RAB36: variants seen among roughly 807,000 people sequenced by gnomAD.
The protein encoded by RAB36 is ras-related protein Rab-36.
RAB36 carries 33 observed loss-of-function variants against 39.3 expected under a neutral mutation model. The ratio of observed to expected loss-of-function variants is 0.84; its 90% CI spans 0.64 to 1.12. The LOEUF is 1.12. Ranked by LOEUF, RAB36 falls within the 50% of genes most tolerant of loss-of-function variation. The pLI is 0.00. For synonymous variants in RAB36, 133 were observed against 140.2 expected (o/e 0.95, Z 0.36); for missense variants, 308 against 355.3 (o/e 0.87, Z 1.07).
Position 23,155,156 on chromosome 22 carries a change from G to A in RAB36, c.330-812G>A, listed in dbSNP as rs1189690731. 2.0e-5 allele frequency among the ~76,000 whole-genome samples: 3 copies of A among 152,138 alleles called. No homozygotes were observed. In the East Asian group the frequency reaches 5.8e-4, roughly 29 times the overall value. On this transcript the variant is annotated intron_variant, in intron 5 of 10. Coordinates refer to ENST00000263116, the MANE Select transcript of RAB36 (RefSeq NM_004914.5). Reference sequence around the variant, plus strand: ...AAAAGAAAAAAATCAGACCATAGATGTCTTGTTTGTGACTTGTCTACTTTG... The same window carrying A: ...AAAAGAAAAAAATCAGACCATAGATATCTTGTTTGTGACTTGTCTACTTTG...
At chr22:23,167,101 T>C (rs371422991), downstream of RAB36, among the ~76,000 whole-genome samples, 262 of 152,026 alleles carry the variant, frequency 1.7e-3, 2 homozygotes, top group African/African-American at 6.1e-3. Context: ...GAACTCCTGG[T>C]CCCTCCCCTG....
rs896030640 is a variant in RAB36 at position 23,158,043 on chromosome 22, G to C, written c.446G>C (p.Arg149Thr). ...LTDVQTLEHT[R>T]QWLEDALREN... ...GACGTGCAGACCCTGGAGCATACCA[G>C]GTAAGTCTGGGCTCTCTGGCCCCTG... is the stretch of plus-strand genomic sequence containing the variant. Residue 149 changes from arginine to threonine, a missense_variant and splice_region_variant, in exon 7 of 11, where the codon AGG becomes ACG. Physicochemically the swap from Arg to Thr is moderately conservative, Grantham distance 71. Coordinates refer to ENST00000263116, the MANE Select transcript of RAB36 (RefSeq NM_004914.5). 2 of 1,614,018 alleles carry C rather than the reference G, an allele frequency of 1.2e-6. No homozygotes were observed. Among genetic ancestry groups the C allele is most frequent in the African/African-American group, 2.7e-5 (2 of 74,936 alleles).
rs1166418936 is a variant in RAB36 at position 23,165,095 on chromosome 22, C to T, written c.*3531C>T. On this transcript the variant is annotated 3_prime_UTR_variant, in exon 11 of 11. Transcript: ENST00000263116. ...TCACATCTGGGCTTTCTCCCCCACC[C>T]ATCTGTGGAACCCCAAGAGCCAGGA... Among the ~76,000 whole-genome samples the T allele has an allele frequency of 6.6e-6, 1 of 152,190 alleles. No homozygotes were observed. Among genetic ancestry groups the T allele is most frequent in the Admixed American group, 6.5e-5 (1 of 15,270 alleles).
rs2071949124 is a variant in RAB36, at chr22:23,163,739, G to A, written c.*2175G>A. 6.6e-6 allele frequency: 1 copy of A among 152,058 alleles called. No individual in the cohort carries two copies. 9.4% of individuals were successfully genotyped at this position (152,058 alleles called of 1,614,324 possible). ...GCTAACAGTCAGGACTATTCCTTCT[G>A]GACTCTGTGCCTTTGCCTGCACAGC... On this transcript the variant is annotated 3_prime_UTR_variant, in exon 11 of 11. Coordinates refer to ENST00000263116, the MANE Select transcript of RAB36 (RefSeq NM_004914.5).
At chr22:23,160,846 T>G in intron 9 of RAB36, 33 bp from the exon 10 acceptor site, 10 of 1,602,842 alleles carry the variant, frequency 6.2e-6, no homozygotes, top group Non-Finnish European at 8.5e-6. Context: ...GGAGAAACAC[T>G]GATGAGGTCC....
intron 2 of RAB36, among the ~76,000 whole-genome samples, chr22:23,146,895 G>A (rs142136960): frequency 4.0e-4 from 61 of 152,308 alleles, no homozygotes; most frequent in African/African-American, 1.4e-3. Flanking sequence ...TGGCCTGGAG[G>A]TTATAAGGGC....
downstream of RAB36, among the ~76,000 whole-genome samples, chr22:23,168,651 C>T (rs1169460733): frequency 2.0e-5 from 3 of 152,216 alleles, no homozygotes; most frequent in South Asian, 2.1e-4. Context: ...GCAGCCAGGA[C>T]GTATGACTGT....
intron 6 of RAB36, 48 bp from the exon 7 acceptor site, chr22:23,157,944 T>G: frequency 6.2e-7 from 1 of 1,612,214 alleles, no homozygotes; most frequent in Admixed American, 1.7e-5. Context: ...GCCCCCTTGC[T>G]CGCCTCGCCT....
chr22:23,146,573 C>G (rs2070786190), intron 1 of RAB36, 32 bp from the exon 2 acceptor site: 1 of 1,610,510 alleles, frequency 6.2e-7, no homozygotes, highest in Non-Finnish European at 8.5e-7. Flanking sequence ...TGCACAGCTC[C>G]TTAACTGTCT....
chr22:23,161,791 A>G lies in RAB36; in HGVS notation c.*227A>G, dbSNP rs1330548094. ...CCCCCACTGGCTGCCTGGGAGCCCC[A>G]CACCACCGGGCCAGTGCAGGCACTG... On this transcript the variant is annotated 3_prime_UTR_variant, in exon 11 of 11. Transcript: ENST00000263116. The G allele has an allele frequency of 1.8e-6, 1 of 547,194 alleles. No homozygotes were observed. The highest frequency in any genetic ancestry group is 3.2e-5 in the East Asian group (1 of 31,344). The allele number at this position is 547,194 out of a possible 1,614,324, so 33.9% of individuals were successfully genotyped here.
chr22:23,163,606 G>GCACCCCCC lies in RAB36; in HGVS notation c.*2043_*2044insACCCCCCC, dbSNP rs139292265. Reference sequence around the variant, plus strand: ...AAAGCATATAAAATACAAGGTGAAAGCCCCCCCCCCGCCACATTAGCTGCG... The same window carrying GCACCCCCC: ...AAAGCATATAAAATACAAGGTGAAAGCACCCCCCCCCCCCCCCCGCCACATTAGCTGCG... On this transcript the variant is annotated 3_prime_UTR_variant, in exon 11 of 11. Coordinates refer to ENST00000263116, the MANE Select transcript of RAB36 (RefSeq NM_004914.5). 2 of 125,228 alleles carry GCACCCCCC rather than the reference G, an allele frequency of 1.6e-5. No homozygotes were observed. Among genetic ancestry groups the GCACCCCCC allele is most frequent in the Non-Finnish European group, 3.6e-5 (2 of 55,740 alleles). The allele number at this position is 125,228 out of a possible 1,614,324, so 7.8% of individuals were successfully genotyped here. A position where few individuals can be genotyped will look rare whatever the true frequency, so the allele number is the denominator to read the frequency against.
At chr22:23,147,192 C>G (rs2070830194) in intron 2 of RAB36, among the ~76,000 whole-genome samples, 1 of 152,198 alleles carries the variant, frequency 6.6e-6, no homozygotes, top group Non-Finnish European at 1.5e-5. Flanking sequence ...TGAAAACTCA[C>G]AGCTCTCTTG....
chr22:23,153,889 A>G (rs2071307317), intron 5 of RAB36, among the ~76,000 whole-genome samples: 1 of 151,802 alleles, frequency 6.6e-6, no homozygotes, highest in African/African-American at 2.4e-5. Context: ...GGGTTTTACT[A>G]TGTTGGCCAT....
At chr22:23,145,445 T>C, upstream of RAB36, 3 of 1,610,826 alleles carry the variant, frequency 1.9e-6, no homozygotes, top group South Asian at 3.3e-5. Flanking sequence ...ACGTCGACGA[T>C]TCGTGTAGCC....
chr22:23,161,028 G>A (rs1368990168), intron 10 of RAB36, 30 bp downstream of exon 10: 8 of 1,571,984 alleles, frequency 5.1e-6, no homozygotes, highest in Admixed American at 3.7e-5. Context: ...GGTTGGGCTG[G>A]GGAGTAGGCT....
intron 5 of RAB36, 114 bp downstream of exon 5, chr22:23,153,248 G>C (rs1209847440): frequency 1.3e-6 from 1 of 788,840 alleles, no homozygotes; most frequent in Non-Finnish European, 2.1e-6. Context: ...TAGACAAGCA[G>C]AGCCTGGGGG....
intron 3 of RAB36, among the ~76,000 whole-genome samples, chr22:23,151,473 A>T (rs1309428545): frequency 1.3e-5 from 2 of 152,246 alleles, no homozygotes; most frequent in African/African-American, 4.8e-5. Context: ...CAGGTGACAC[A>T]GTGGTGCCCT....
chr22:23,168,983 G>A (rs2072094647), downstream of RAB36, among the ~76,000 whole-genome samples: 1 of 152,214 alleles, frequency 6.6e-6, no homozygotes, highest in African/African-American at 2.4e-5. Context: ...CCTGTCTTCG[G>A]GAACGAGCTC....
At chr22:23,159,116 C>A in intron 8 of RAB36, 47 bp from the exon 9 acceptor site, 1 of 1,602,210 alleles carries the variant, frequency 6.2e-7, no homozygotes, top group South Asian at 1.1e-5. Flanking sequence ...CTGGGCCTCC[C>A]TGCAGGAGAG....
Sources: gnomAD v4.1 joint callset for allele counts (sites outside exome capture counted in the v4.1 genomes callset) on GRCh38, gnomAD v4.1.1 for gene constraint, MANE v1.5 for transcripts, NCBI Gene and HGNC (gene_info 2026-07-23, HGNC 2026-07-21) for gene names.